The following ZP2 variants were observed in gnomAD, a reference collection of about 807,000 sequenced individuals.
ZP2 encodes the protein zona pellucida sperm-binding protein 2.
A neutral mutation model predicts 84.0 loss-of-function variants in ZP2; 51 were observed. That is an observed-to-expected ratio of 0.61 (90% CI 0.49 to 0.77). ZP2 has a LOEUF of 0.77. Among genes scored for constraint, ZP2 ranks in the 30% least tolerant of loss-of-function variants. The pLI is 0.00. For synonymous variants in ZP2, 375 were observed against 330.9 expected, an observed-to-expected ratio of 1.13 and a Z score of -1.45; for missense variants, 909 against 911.9, an observed-to-expected ratio of 1.00 and a Z score of 0.04.
chr16:21,198,832 G>A lies in ZP2; in HGVS notation c.1958C>T (p.Thr653Ile). 2 of 1,614,062 alleles carry A rather than the reference G, an allele frequency of 1.2e-6. No homozygotes were observed. The highest frequency in any genetic ancestry group is 1.7e-6 in the Non-Finnish European group (2 of 1,179,986). ...GAGAATGGGTCCTGGGAGGCTGACT[G>A]TCATTTTCTCTGCTTCAGTGGCCCC... ...ATGATEAEKMTVSLPGPILLL... is the reference protein window; with the variant it reads ...ATGATEAEKMIVSLPGPILLL... The change falls in exon 17 of 19, where the codon ACA becomes ATA. Residue 653 changes from threonine to isoleucine, a missense_variant. Thr to Ile is a moderately conservative substitution (Grantham distance 89). Transcript: ENST00000574091.
rs1457866596 is a variant in ZP2, at chr16:21,201,410, C to T, written c.1653G>A (p.Met551Ile). 1 of 1,605,046 alleles carries T rather than the reference C, an allele frequency of 6.2e-7. No individual in the cohort carries two copies. The highest frequency in any genetic ancestry group is 8.5e-7 in the Non-Finnish European group (1 of 1,174,958). The change falls in exon 14 of 19, where the codon ATG (methionine) becomes ATA (isoleucine). Residue 551 changes from methionine to isoleucine, a missense_variant. By Grantham distance (10) the Met-to-Ile change is conservative. Coordinates refer to ENST00000574091, the MANE Select transcript of ZP2 (RefSeq NM_001376232.1). ...TCCACTGGGGGAAAGAGTCTGGATC[C>T]ATGGTGGACGTCGCCCAGCAGTCAT... The part of the protein sequence containing the change: ...VLDDCWATST[M>I]DPDSFPQWNV...
At chr16:21,213,449 T>C (rs987707212), upstream of ZP2, among the ~76,000 whole-genome samples, 5 of 152,222 alleles carry the variant, frequency 3.3e-5, no homozygotes, top group African/African-American at 1.2e-4. Flanking sequence ...GCATCTGAAA[T>C]AACATTGGAG....
chr16:21,202,236 G>A lies in ZP2; in HGVS notation c.1155C>T (p.Tyr385=). 6.4e-7 allele frequency: 1 copy of A among 1,570,220 alleles called. No homozygotes were observed. Among genetic ancestry groups the A allele is most frequent in the South Asian group, 1.2e-5 (1 of 83,642 alleles). Residue 385 remains tyrosine (Y), a synonymous_variant, in exon 11 of 19, where the codon TAC becomes TAT. Transcript: ENST00000574091. ...CCAGGTCAAGAGCTGGTTGTGTTTG[G>A]TAGCTGTAGACCTCGACGTCCATAA... The part of the protein sequence containing the change: ...DGFMDVEVYS[Y]QTQPALDLGT...
intron 4 of ZP2, among the ~76,000 whole-genome samples, chr16:21,208,009 CA>C (rs2093258236): frequency 6.6e-6 from 1 of 151,894 alleles, no homozygotes; most frequent in South Asian, 2.1e-4. Context: ...CCCTTGAGGC[CA>C]GAAGTTTGAG....
At chr16:21,203,894 A>T in intron 9 of ZP2, 136 bp downstream of exon 9, 1 of 837,446 alleles carries the variant, frequency 1.2e-6, no homozygotes, top group Non-Finnish European at 1.9e-6. Context: ...TGATCAAATG[A>T]GGCCTTTTGG....
At position 21,209,668 on chromosome 16, in the gene ZP2, G is replaced by A; in HGVS notation, c.293C>T (p.Thr98Ile). 6.2e-7 allele frequency: 1 copy of A among 1,614,138 alleles called. No homozygotes were observed. The highest frequency in any genetic ancestry group is 8.5e-7 in the Non-Finnish European group (1 of 1,180,022). Residue 98 changes from threonine to isoleucine, a missense_variant, in exon 4 of 19, where the codon ACC becomes ATC. By Grantham distance (89) the Thr-to-Ile change is moderately conservative (BLOSUM62 -1). Coordinates refer to ENST00000574091, the MANE Select transcript of ZP2 (RefSeq NM_001376232.1). Reference sequence around the variant, plus strand: ...ACAGTTATCATAGGTAGCCCTCAGGGTGAGCTTTTCTGGGTCCAGGATGTA... The same window carrying A: ...ACAGTTATCATAGGTAGCCCTCAGGATGAGCTTTTCTGGGTCCAGGATGTA... ...CTYILDPEKL[T>I]LRATYDNCTR... is the part of the protein sequence containing the mutation.
upstream of ZP2, chr16:21,214,182 G>T: frequency 1.1e-6 from 1 of 945,046 alleles, no homozygotes; most frequent in Non-Finnish European, 1.3e-6. Context: ...GCTGTGGGCT[G>T]GTGAAGCTGG....
At chr16:21,210,370 G>A (rs2093269281) in intron 2 of ZP2, among the ~76,000 whole-genome samples, 178 bp from the exon 3 acceptor site, 1 of 152,044 alleles carries the variant, frequency 6.6e-6, no homozygotes, top group Non-Finnish European at 1.5e-5. Flanking sequence ...GCCAAGAACT[G>A]TAAGGAAAAT....
chr16:21,199,782 A>G lies in ZP2; in HGVS notation c.1791T>C (p.Ala597=), dbSNP rs2093216901. ...CGTGGGCTTCTGATACAAAGGCAAA[A>G]GCCTTCATGTCAAACCTCTGATAGT... The part of the protein sequence containing the change: ...PDHYQRFDMK[A]FAFVSEAHVL... The change falls in exon 15 of 19, where the codon GCT becomes GCC. Residue 597 remains alanine, a synonymous_variant. Transcript: ENST00000574091. 5 of 1,613,998 alleles carry G rather than the reference A, an allele frequency of 3.1e-6. No individual in the cohort carries two copies. Among genetic ancestry groups the G allele is most frequent in the Non-Finnish European group, 4.2e-6 (5 of 1,180,032 alleles).
chr16:21,209,776 C>T (rs1291845136), intron 3 of ZP2, 51 bp from the exon 4 acceptor site: 4 of 1,523,172 alleles, frequency 2.6e-6, no homozygotes, highest in Admixed American at 3.3e-5. Flanking sequence ...ATTTCAGTGA[C>T]AGTCCAAAGC....
intron 10 of ZP2, 31 bp downstream of exon 10, chr16:21,203,094 G>A (rs940957824): frequency 6.2e-7 from 1 of 1,605,344 alleles, no homozygotes; most frequent in Non-Finnish European, 8.5e-7. Context: ...GAGAAAAAAG[G>A]TAGAACATGA....
At chr16:21,213,799 A>G (rs935895449), upstream of ZP2, among the ~76,000 whole-genome samples, 5 of 152,202 alleles carry the variant, frequency 3.3e-5, no homozygotes, top group Non-Finnish European at 1.5e-5. Context: ...TAGCCAAAGC[A>G]TGATAGCAAT....
intron 3 of ZP2, 94 bp from the exon 4 acceptor site, chr16:21,209,819 G>A: frequency 4.4e-6 from 5 of 1,139,768 alleles, no homozygotes; most frequent in Non-Finnish European, 6.6e-6. Context: ...CATTTCTAAG[G>A]TACTTCAGTC....
At chr16:21,201,203 CA>C (rs74269334) in intron 14 of ZP2, among the ~76,000 whole-genome samples, 165 bp downstream of exon 14, 9,272 of 112,150 alleles carry the variant, frequency 0.083, 692 homozygotes, top group African/African-American at 0.23. Context: ...CATCTCAAAA[CA>C]AAAAAAAAAA....
In ZP2 at chr16:21,198,871, AGAT is replaced by A; in HGVS notation, c.1928-12_1928-10del. 1.2e-6 allele frequency: 2 copies of A among 1,613,208 alleles called. No individual in the cohort carries two copies. Among genetic ancestry groups the A allele is most frequent in the African/African-American group, 1.3e-5 (1 of 75,044 alleles). On this transcript the variant is annotated splice_polypyrimidine_tract_variant and intron_variant, in intron 16 of 18. Coordinates refer to ENST00000574091, the MANE Select transcript of ZP2 (RefSeq NM_001376232.1). ...TTCAGTGGCCCCTGTGGCTGGAGACAGATGATCAAGTTTGTGTTTGGCCTCTGG... is the reference window on the plus strand; with the variant it reads ...TTCAGTGGCCCCTGTGGCTGGAGACAGATCAAGTTTGTGTTTGGCCTCTGG...
In ZP2 at chr16:21,203,142, TCA is replaced by T. The variant is rs1350085625; in HGVS notation, c.1080_1081del (p.Cys360Ter). Reference sequence around the variant, plus strand: ...GTCTTTACCTATAGAAACGGGTGACTCACAGAGACACTCAGGATAGATCACCA... The same window carrying T: ...GTCTTTACCTATAGAAACGGGTGACTCAGAGACACTCAGGATAGATCACCA... On this transcript the variant is annotated stop_gained and frameshift_variant, in exon 10 of 19. Transcript: ENST00000574091. LOFTEE classifies it high-confidence loss of function. The T allele has an allele frequency of 1.2e-6, 2 of 1,613,588 alleles. No homozygotes were observed. Among genetic ancestry groups the T allele is most frequent in the Admixed American group, 1.7e-5 (1 of 59,954 alleles).
At chr16:21,197,972 C>T in intron 17 of ZP2, 123 bp from the exon 18 acceptor site, 1 of 854,436 alleles carries the variant, frequency 1.2e-6, no homozygotes, top group East Asian at 2.4e-5. Flanking sequence ...TATGTGTTAA[C>T]AGGCACAAAC....
At chr16:21,211,802 T>A, upstream of ZP2, 2 of 1,423,062 alleles carry the variant, frequency 1.4e-6, no homozygotes, top group Non-Finnish European at 9.2e-7. Context: ...GTGAGTGAAT[T>A]GGTGTTTTCC....
chr16:21,209,504 G>T, intron 4 of ZP2, 127 bp downstream of exon 4: 7 of 743,658 alleles, frequency 9.4e-6, no homozygotes, highest in Non-Finnish European at 1.6e-5. Context: ...AGCCACACAC[G>T]AGACACCACC....
Sources: allele counts gnomAD v4.1 joint callset (sites outside exome capture counted in the v4.1 genomes callset), GRCh38; gene constraint gnomAD v4.1.1; transcripts MANE v1.5; gene names NCBI Gene and HGNC (gene_info 2026-07-23, HGNC 2026-07-21).